The following ST8SIA2 variants were observed in gnomAD, a reference collection of about 807,000 sequenced individuals.
The protein encoded by ST8SIA2 is ST8 alpha-N-acetyl-neuraminide alpha-2,8-sialyltransferase 2.
In ST8SIA2, 22 loss-of-function variants were observed where a neutral mutation model predicts 37.6. The observed-to-expected ratio is 0.58, with a 90% CI of 0.42 to 0.83. ST8SIA2 has a LOEUF of 0.83. ST8SIA2 is among the 40% of genes least tolerant of loss of function. ST8SIA2 has a pLI of 0.00. For synonymous variants in ST8SIA2, 205 were observed against 201.2 expected (o/e 1.02, Z -0.16); for missense variants, 382 against 484.7 (o/e 0.79, Z 1.99).
At chr15:92,433,634 G>A (rs1256854193) in intron 2 of ST8SIA2, among the ~76,000 whole-genome samples, 3 of 152,136 alleles carry the variant, frequency 2.0e-5, no homozygotes, top group Admixed American at 6.5e-5. Context: ...TTGAGCACCC[G>A]CTATGTTAGA....
intron 1 of ST8SIA2, among the ~76,000 whole-genome samples, chr15:92,397,745 G>A (rs959875074): frequency 3.3e-5 from 5 of 152,190 alleles, no homozygotes; most frequent in African/African-American, 1.2e-4. Context: ...CCATGGAACT[G>A]GGCACACAAG....
At chr15:92,429,897 G>A in intron 1 of ST8SIA2, 152 bp from the exon 2 acceptor site, 1 of 807,654 alleles carries the variant, frequency 1.2e-6, no homozygotes, top group South Asian at 1.5e-5. Context: ...CTGTGTCTGG[G>A]GCCAGGACTT....
chr15:92,429,337 G>A (rs1316948140), intron 1 of ST8SIA2, among the ~76,000 whole-genome samples: 1 of 152,210 alleles, frequency 6.6e-6, no homozygotes, highest in Admixed American at 6.5e-5. Context: ...GAAGCGGGAT[G>A]AAACCGTGTG....
At chr15:92,458,983 G>T (rs1196161939) in intron 5 of ST8SIA2, among the ~76,000 whole-genome samples, 2 of 152,182 alleles carry the variant, frequency 1.3e-5, no homozygotes, top group African/African-American at 4.8e-5. Flanking sequence ...CTGGAGGTGG[G>T]AAAGAGAGTT....
intron 1 of ST8SIA2, chr15:92,417,638 G>C (rs2049597571): frequency 6.6e-6 from 1 of 152,162 alleles, no homozygotes; most frequent in African/African-American, 2.4e-5. Context: ...GGAGTTTTCA[G>C]GGCTGCCAAC....
chr15:92,425,832 A>G (rs2049671405), intron 1 of ST8SIA2, among the ~76,000 whole-genome samples: 1 of 152,156 alleles, frequency 6.6e-6, no homozygotes, highest in African/African-American at 2.4e-5. Context: ...ACAACAGGGC[A>G]GGGGAATACT....
At chr15:92,427,751 A>G (rs2049687200) in intron 1 of ST8SIA2, among the ~76,000 whole-genome samples, 2 of 152,184 alleles carry the variant, frequency 1.3e-5, no homozygotes, top group Non-Finnish European at 2.9e-5. Context: ...TGGGAGGCCG[A>G]GGTGGGCAGA....
chr15:92,438,638 G>A, intron 4 of ST8SIA2, 28 bp downstream of exon 4: 1 of 1,577,762 alleles, frequency 6.3e-7, no homozygotes, highest in Non-Finnish European at 8.6e-7. Context: ...GCACTCTGGG[G>A]CCAGAGCGGC....
intron 1 of ST8SIA2, among the ~76,000 whole-genome samples, chr15:92,429,236 T>G (rs1044782406): frequency 1.3e-5 from 2 of 152,166 alleles, no homozygotes; most frequent in Non-Finnish European, 2.9e-5. Context: ...ATAATGAATC[T>G]CACATACAAC....
chr15:92,432,701 G>A (rs1596240365), intron 2 of ST8SIA2, among the ~76,000 whole-genome samples: 1 of 152,270 alleles, frequency 6.6e-6, no homozygotes, highest in Admixed American at 6.5e-5. Context: ...TATCCTCTGC[G>A]AAGTTACAGA....
intron 2 of ST8SIA2, among the ~76,000 whole-genome samples, chr15:92,431,851 T>G (rs2049718065): frequency 6.6e-6 from 1 of 152,150 alleles, no homozygotes; most frequent in African/African-American, 2.4e-5. Flanking sequence ...TAAAATCCCT[T>G]AAGACCATGA....
chr15:92,398,346 C>T (rs1177539436), intron 1 of ST8SIA2, among the ~76,000 whole-genome samples: 1 of 152,184 alleles, frequency 6.6e-6, no homozygotes, highest in African/African-American at 2.4e-5. Flanking sequence ...AACCCAATGT[C>T]CTAATCCTCA....
intron 4 of ST8SIA2, among the ~76,000 whole-genome samples, chr15:92,443,473 G>A (rs1188632300): frequency 6.6e-6 from 1 of 152,180 alleles, no homozygotes; most frequent in Non-Finnish European, 1.5e-5. Context: ...TTGCCCTCCA[G>A]TACCCAAATC....
intron 5 of ST8SIA2, among the ~76,000 whole-genome samples, chr15:92,458,054 T>A (rs533134581): frequency 5.3e-4 from 81 of 152,330 alleles, no homozygotes; most frequent in African/African-American, 1.9e-3. Context: ...TTGAGTCAAA[T>A]GTTTGCTGAG....
chr15:92,436,282 G>C (rs1049776966), intron 3 of ST8SIA2, among the ~76,000 whole-genome samples: 54 of 151,960 alleles, frequency 3.6e-4, no homozygotes, highest in African/African-American at 1.2e-3. Flanking sequence ...CCTCCTGCCA[G>C]TATGAGCTAC....
intron 1 of ST8SIA2, among the ~76,000 whole-genome samples, chr15:92,418,889 CG>C (rs1473879323): frequency 2.0e-5 from 3 of 152,012 alleles, no homozygotes; most frequent in African/African-American, 7.3e-5. Flanking sequence ...GAGGGGATGA[CG>C]TAAAATAAAG....
At chr15:92,407,948 C>T (rs962313210) in intron 1 of ST8SIA2, among the ~76,000 whole-genome samples, 24 of 152,066 alleles carry the variant, frequency 1.6e-4, no homozygotes, top group African/African-American at 3.1e-4. Context: ...AAGGTAGACC[C>T]GGAAAATGTT....
chr15:92,430,153 G>GGC (rs1175065057), intron 2 of ST8SIA2, 42 bp downstream of exon 2: 1 of 1,590,574 alleles, frequency 6.3e-7, no homozygotes, highest in Non-Finnish European at 8.6e-7. Context: ...TTTGCTGTAA[G>GGC]GCAGCTATTA....
chr15:92,440,451 G>A (rs578063355), intron 4 of ST8SIA2, among the ~76,000 whole-genome samples: 1 of 152,264 alleles, frequency 6.6e-6, no homozygotes, highest in East Asian at 1.9e-4. Context: ...CAGCCGGGGT[G>A]TGCTCTGCCT....
Sources: gnomAD v4.1 joint callset for allele counts (sites outside exome capture counted in the v4.1 genomes callset) on GRCh38, gnomAD v4.1.1 for gene constraint, MANE v1.5 for transcripts, NCBI Gene and HGNC (gene_info 2026-07-23, HGNC 2026-07-21) for gene names.